SSX2IP: variants seen among roughly 807,000 people sequenced by gnomAD.
SSX2IP encodes afadin- and alpha-actinin-binding protein.
SSX2IP carries 55 observed loss-of-function variants against 84.9 expected under a neutral mutation model. The ratio of observed to expected loss-of-function variants is 0.65; its 90% CI spans 0.52 to 0.81. The LOEUF is 0.81. Ranked by LOEUF, SSX2IP falls within the 30% of genes least tolerant of loss-of-function variation. SSX2IP has a pLI of 0.00. For synonymous variants in SSX2IP, 239 were observed against 234.7 expected (o/e 1.02, Z -0.17); for missense variants, 664 against 705.2 (o/e 0.94, Z 0.66).
chr1:84,666,371 T>G, intron 4 of SSX2IP, 139 bp from the exon 5 acceptor site: 1 of 639,374 alleles, frequency 1.6e-6, no homozygotes, highest in Non-Finnish European at 2.7e-6. Context: ...ATGAAATGTT[T>G]ATTTAAAGGA....
chr1:84,688,497 A>G (rs1354326018), intron 1 of SSX2IP, among the ~76,000 whole-genome samples: 1 of 152,190 alleles, frequency 6.6e-6, no homozygotes, highest in African/African-American at 2.4e-5. Flanking sequence ...CTTTTCATGC[A>G]CCTAATTTCT....
At chr1:84,675,666 G>C (rs953107807) in intron 1 of SSX2IP, among the ~76,000 whole-genome samples, 2 of 152,130 alleles carry the variant, frequency 1.3e-5, no homozygotes, top group Non-Finnish European at 2.9e-5. Flanking sequence ...TTATCCCTCT[G>C]CTTACCTGAG....
intron 1 of SSX2IP, among the ~76,000 whole-genome samples, chr1:84,686,746 G>A (rs1192306384): frequency 6.6e-6 from 1 of 152,144 alleles, no homozygotes; most frequent in Non-Finnish European, 1.5e-5. Flanking sequence ...TAAAGAGAAA[G>A]GGTGATACAC....
rs573079675 is a variant in SSX2IP at position 84,659,111 on chromosome 1, A to G, written c.928-643T>C. Among the ~76,000 whole-genome samples, 377 of 152,360 alleles carry G rather than the reference A, an allele frequency of 2.5e-3. 2 individuals are homozygous for G. The highest frequency in any genetic ancestry group is 8.6e-3 in the African/African-American group (359 of 41,586). On this transcript the variant is annotated intron_variant, in intron 8 of 13. Transcript: ENST00000342203. ...AAAGGGATATATGTCATAATAACCC[A>G]CATCTACATAAAGTAGTTCTAATTT...
Position 84,656,426 on chromosome 1 carries a change from A to G in SSX2IP, c.1137T>C (p.His379=). ...ACTCGAGTTTTTCAGTTTCTTGTTCATGGTCTTGTCGTGAGATTACATCTT... is the reference window on the plus strand; with the variant it reads ...ACTCGAGTTTTTCAGTTTCTTGTTCGTGGTCTTGTCGTGAGATTACATCTT... ...NDEDVISRQD[H]EQETEKLELE... The change falls in exon 10 of 14, where the codon CAT becomes CAC. Residue 379 remains histidine, a synonymous_variant. Coordinates refer to ENST00000342203, the MANE Select transcript of SSX2IP (RefSeq NM_001166293.2). The G allele has an allele frequency of 6.2e-7, 1 of 1,613,602 alleles. No individual in the cohort carries two copies. Among genetic ancestry groups the G allele is most frequent in the East Asian group, 2.2e-5 (1 of 44,824 alleles).
In SSX2IP at chr1:84,655,880, C is replaced by T; in HGVS notation, c.1341G>A (p.Glu447=). 6.2e-7 allele frequency: 1 copy of T among 1,614,022 alleles called. No individual in the cohort carries two copies. Among genetic ancestry groups the T allele is most frequent in the South Asian group, 1.1e-5 (1 of 91,070 alleles). The change falls in exon 11 of 14, where the codon GAG becomes GAA. Residue 447 remains glutamate, a synonymous_variant. Transcript: ENST00000342203. The stretch of plus-strand genomic sequence containing the variant: ...CTTCTGTAAAGCTTCGTCTCTCCCT[C>T]TCAAAATTCTTTTTCTGCTCTTTAA... The part of the protein sequence containing the change: ...SLFKEQKKNF[E]RERRSFTEAA...
chr1:84,686,621 G>A (rs916844898), intron 1 of SSX2IP, among the ~76,000 whole-genome samples: 3 of 152,084 alleles, frequency 2.0e-5, no homozygotes, highest in African/African-American at 7.2e-5. Context: ...AAGAAAAAAG[G>A]GGCAGGAGAA....
intron 10 of SSX2IP, 131 bp downstream of exon 10, chr1:84,656,217 T>G (rs1250701518): frequency 2.0e-6 from 2 of 1,004,380 alleles, no homozygotes; most frequent in Non-Finnish European, 2.9e-6. Context: ...ATGTATCTGT[T>G]AGCAGGGAAC....
chr1:84,656,734 C>A (rs1477596497), intron 9 of SSX2IP, among the ~76,000 whole-genome samples: 1 of 152,094 alleles, frequency 6.6e-6, no homozygotes, highest in Non-Finnish European at 1.5e-5. Flanking sequence ...ACGACAATTA[C>A]ACATTTGTGC....
rs1652773565 is a variant in SSX2IP, at chr1:84,666,330, T to A, written c.427-98A>T. ...TAACAAGAAGTTATACATCCTAGTGTTTATTAGTCAAAATCAAATGTTAGT... is the reference window on the plus strand; with the variant it reads ...TAACAAGAAGTTATACATCCTAGTGATTATTAGTCAAAATCAAATGTTAGT... On this transcript the variant is annotated intron_variant, in intron 4 of 13. Coordinates refer to ENST00000342203, the MANE Select transcript of SSX2IP (RefSeq NM_001166293.2). 6.0e-6 allele frequency: 5 copies of A among 836,910 alleles called. No individual in the cohort carries two copies. In the Admixed American group the frequency reaches 1.3e-4, roughly 21 times the overall value. The allele number at this position is 836,910 out of a possible 1,614,324, so 51.8% of individuals were successfully genotyped here.
chr1:84,664,321 C>A, intron 6 of SSX2IP, 96 bp downstream of exon 6: 1 of 1,214,976 alleles, frequency 8.2e-7, no homozygotes, highest in Non-Finnish European at 1.1e-6. Context: ...ATGAAAATAA[C>A]ATTTCGTGAG....
chr1:84,654,815 C>A (rs558743754), intron 11 of SSX2IP, among the ~76,000 whole-genome samples: 1 of 151,946 alleles, frequency 6.6e-6, no homozygotes, highest in Non-Finnish European at 1.5e-5. Context: ...AGTACTTATA[C>A]CTGGATTGTA....
At chr1:84,655,670 CTA>C in intron 11 of SSX2IP, 160 bp downstream of exon 11, 1 of 1,475,934 alleles carries the variant, frequency 6.8e-7, no homozygotes, top group East Asian at 2.5e-5. Context: ...TGATCCCATT[CTA>C]TATGCTCAGC....
intron 11 of SSX2IP, among the ~76,000 whole-genome samples, chr1:84,654,827 T>C (rs1650837994): frequency 1.3e-5 from 2 of 152,160 alleles, no homozygotes; most frequent in Non-Finnish European, 1.5e-5. Flanking sequence ...TGGATTGTAT[T>C]AGAGGACAAA....
At chr1:84,662,087 A>AATG in intron 8 of SSX2IP, 111 bp downstream of exon 8, 1 of 676,724 alleles carries the variant, frequency 1.5e-6, no homozygotes, top group Non-Finnish European at 2.5e-6. Flanking sequence ...ATAGCAGTTG[A>AATG]GTGTCCTATT....
intron 5 of SSX2IP, among the ~76,000 whole-genome samples, chr1:84,665,075 G>A (rs1652577945): frequency 6.6e-6 from 1 of 152,138 alleles, no homozygotes; most frequent in Admixed American, 6.6e-5. Context: ...TCTACTAGGT[G>A]CCAGACACTG....
intron 1 of SSX2IP, among the ~76,000 whole-genome samples, chr1:84,680,802 G>C (rs1654975063): frequency 6.6e-6 from 1 of 152,156 alleles, no homozygotes; most frequent in South Asian, 2.1e-4. Context: ...CTTTCTTTAT[G>C]TACTTTCATG....
At position 84,670,838 on chromosome 1, in the gene SSX2IP, TATAA is replaced by T. The variant is rs535750254; in HGVS notation, c.44-27_44-24del. On this transcript the variant is annotated intron_variant, in intron 2 of 13. Transcript: ENST00000342203. ...TTTCTGAAAGAATAAAAGGCATCTA[TATAA>T]ATAATTTAGAAAAACGTATGTAAAG... The T allele has an allele frequency of 2.8e-3, 4,299 of 1,562,082 alleles. 8 individuals carry two copies. The highest frequency in any genetic ancestry group is 3.4e-3 in the Non-Finnish European group (3,897 of 1,153,556).
At chr1:84,662,617 A>C in intron 6 of SSX2IP, 87 bp from the exon 7 acceptor site, 1 of 1,437,166 alleles carries the variant, frequency 7.0e-7, no homozygotes, top group Non-Finnish European at 9.6e-7. Context: ...GTAAGTGGTG[A>C]AAGTGAACCT....
Sources: gnomAD v4.1 joint callset for allele counts (sites outside exome capture counted in the v4.1 genomes callset) on GRCh38, gnomAD v4.1.1 for gene constraint, MANE v1.5 for transcripts, NCBI Gene and HGNC (gene_info 2026-07-23, HGNC 2026-07-21) for gene names.